Variants in KAT14 observed in about 807,000 individuals in gnomAD.
KAT14 encodes lysine acetyltransferase 14.
Under a neutral mutation model 78.4 loss-of-function variants are expected in KAT14, and 66 were observed. The observed-to-expected ratio is 0.84, with a 90% CI of 0.69 to 1.03. The LOEUF (loss-of-function observed/expected upper bound fraction) is 1.03, where lower values mean the gene tolerates loss of function less well. Among genes scored for constraint, KAT14 ranks in the 50% least tolerant of loss-of-function variants. The probability of loss-of-function intolerance (pLI) is 0.00; values close to 1 mark genes in which losing one functional copy is unlikely to be tolerated. For missense variants in KAT14, 870 were observed against 972.5 expected (o/e 0.89, Z 1.40); for synonymous variants, 344 against 359.4 (o/e 0.96, Z 0.48).
rs750335978 is a variant in KAT14, at chr20:18,181,737, C to T, written c.1696C>T (p.Arg566Ter). The change falls in exon 8 of 11, where the codon CGA (arginine) becomes TGA (stop). Residue 566 changes from arginine to a stop codon, truncating the protein, a stop_gained. Transcript: ENST00000688188. LOFTEE classifies it high-confidence loss of function. ...TTCCTTGCCGTCCAGGAAGGGATTT[C>T]GACACCAGACCACCAAGTTTTTGTA... ...QTSLPSRKGF[R>*]HQTTKFLYRL... The T allele has an allele frequency of 2.0e-5, 33 of 1,614,014 alleles. No individual in the cohort carries two copies. The South Asian group carries it at 2.7e-4, about 13-fold the overall frequency.
chr20:18,164,914 G>T (rs1392062146), intron 7 of KAT14, among the ~76,000 whole-genome samples: 1 of 151,992 alleles, frequency 6.6e-6, no homozygotes, highest in East Asian at 1.9e-4. Flanking sequence ...GAGCCATTGC[G>T]CCTGGCCAAT....
At chr20:18,146,997 C>A (rs1441401594) in intron 3 of KAT14, among the ~76,000 whole-genome samples, 1 of 152,120 alleles carries the variant, frequency 6.6e-6, no homozygotes. Context: ...AGACAGCTGA[C>A]ATTCTATACT....
chr20:18,174,199 G>A (rs926223088), intron 7 of KAT14, among the ~76,000 whole-genome samples: 4 of 152,160 alleles, frequency 2.6e-5, no homozygotes, highest in African/African-American at 9.7e-5. Flanking sequence ...GACCACATTT[G>A]GTTTATCCAT....
chr20:18,187,432 C>A lies in KAT14; in HGVS notation c.2319C>A (p.His773Gln). 6.2e-7 allele frequency: 1 copy of A among 1,614,122 alleles called. No individual in the cohort carries two copies. The highest frequency in any genetic ancestry group is 8.5e-7 in the Non-Finnish European group (1 of 1,180,022). The change falls in exon 11 of 11, where the codon CAC becomes CAA. Residue 773 changes from histidine to glutamine, a missense_variant. Physicochemically the swap from His to Gln is conservative, Grantham distance 24 (BLOSUM62 0). Coordinates refer to ENST00000688188, the MANE Select transcript of KAT14 (RefSeq NM_001392073.1). ...YYPLESTECK[H>Q]AFFLRLRR The stretch of plus-strand genomic sequence containing the variant: ...CATTGGAGAGTACAGAGTGTAAACA[C>A]GCATTCTTTCTGAGGCTCCGGCGCT...
chr20:18,184,430 C>T (rs1211975141), intron 9 of KAT14, among the ~76,000 whole-genome samples, 172 bp from the exon 10 acceptor site: 2 of 151,154 alleles, frequency 1.3e-5, no homozygotes, highest in Non-Finnish European at 2.9e-5. Flanking sequence ...TTCTAAAATT[C>T]ACTCTTATTT....
At chr20:18,179,588 C>T (rs1175358710) in intron 7 of KAT14, among the ~76,000 whole-genome samples, 2 of 152,116 alleles carry the variant, frequency 1.3e-5, no homozygotes, top group African/African-American at 4.8e-5. Flanking sequence ...ATGACTGGAG[C>T]GGCTGGGGCA....
intron 7 of KAT14, among the ~76,000 whole-genome samples, chr20:18,179,221 C>T (rs1040789511): frequency 6.6e-6 from 1 of 152,212 alleles, no homozygotes; most frequent in African/African-American, 2.4e-5. Context: ...CCAACTTTTC[C>T]AGTTGCACAG....
chr20:18,184,607 G>T lies in KAT14; in HGVS notation c.1987G>T (p.Asp663Tyr). The change falls in exon 10 of 11, where the codon GAC becomes TAC. Residue 663 changes from aspartate (D) to tyrosine (Y), a missense_variant. By Grantham distance (160) the Asp-to-Tyr change is radical (BLOSUM62 -3). Transcript: ENST00000688188. The part of the protein sequence containing the change: ...MCQEFFWPGI[D>Y]LSECLQYPDF... ...CGATGGTTTCTTTTCTTTAGGCATT[G>T]ACCTGTCTGAGTGTCTGCAGTACCC... 6.2e-7 allele frequency: 1 copy of T among 1,603,518 alleles called. No individual in the cohort carries two copies. Among genetic ancestry groups the T allele is most frequent in the South Asian group, 1.1e-5 (1 of 88,878 alleles).
At chr20:18,171,135 G>A (rs1275219106) in intron 7 of KAT14, among the ~76,000 whole-genome samples, 1 of 152,142 alleles carries the variant, frequency 6.6e-6, no homozygotes, top group East Asian at 1.9e-4. Context: ...TGATTCATGG[G>A]AGGAATCAAA....
intron 7 of KAT14, among the ~76,000 whole-genome samples, chr20:18,173,653 C>G (rs1017433020): frequency 7.3e-6 from 1 of 136,644 alleles, no homozygotes; most frequent in Non-Finnish European, 1.6e-5. Flanking sequence ...TTTTCTTTTG[C>G]TTTTTAAACA....
At chr20:18,142,068 A>G in intron 1 of KAT14, 140 bp from the exon 2 acceptor site, 1 of 880,356 alleles carries the variant, frequency 1.1e-6, no homozygotes, top group Non-Finnish European at 1.6e-6. Context: ...ATTTGTACAG[A>G]AAATTAAAAT....
chr20:18,181,437 C>G (rs971134870), intron 7 of KAT14, among the ~76,000 whole-genome samples: 1 of 142,354 alleles, frequency 7.0e-6, no homozygotes, highest in African/African-American at 2.7e-5. Context: ...GGTGCAATCT[C>G]GGCTCACTGC....
intron 10 of KAT14, among the ~76,000 whole-genome samples, chr20:18,185,178 A>C (rs2039413977): frequency 6.6e-6 from 1 of 152,194 alleles, no homozygotes; most frequent in African/African-American, 2.4e-5. Context: ...ATTTTTTTAA[A>C]TATTTGTAAA....
chr20:18,185,629 G>T (rs542697304), intron 10 of KAT14, among the ~76,000 whole-genome samples: 11 of 152,194 alleles, frequency 7.2e-5, no homozygotes, highest in African/African-American at 1.7e-4. Context: ...CACCTTTGAA[G>T]AAAATACACC....
At chr20:18,140,406 T>A (rs935472653) in intron 1 of KAT14, among the ~76,000 whole-genome samples, 7 of 152,150 alleles carry the variant, frequency 4.6e-5, no homozygotes, top group Non-Finnish European at 8.8e-5. Flanking sequence ...GTAGGTATTA[T>A]ATTAGGTGAG....
At chr20:18,153,423 A>G (rs575031113) in intron 4 of KAT14, among the ~76,000 whole-genome samples, 2 of 152,356 alleles carry the variant, frequency 1.3e-5, no homozygotes, top group Admixed American at 6.5e-5. Flanking sequence ...TATGGACCTT[A>G]ATGTACCCCA....
In KAT14 at chr20:18,181,014, A is replaced by C. The variant is rs191313814; in HGVS notation, c.1669-696A>C. ...ACAGAGCAATCATATAATATGACTC[A>C]TGTGTGTGTTACCTACTTGATACTA... On this transcript the variant is annotated intron_variant, in intron 7 of 10. Transcript: ENST00000688188. Among the ~76,000 whole-genome samples, 93 of 150,952 alleles carry C rather than the reference A, an allele frequency of 6.2e-4. 1 individual carries two copies. The highest frequency in any genetic ancestry group is 3.4e-3 in the Middle Eastern group (1 of 294).
intron 3 of KAT14, among the ~76,000 whole-genome samples, chr20:18,148,449 A>G (rs1424770400): frequency 1.3e-5 from 2 of 151,952 alleles, no homozygotes; most frequent in Non-Finnish European, 2.9e-5. Context: ...ACTATGATCG[A>G]TCTTTGCTTG....
chr20:18,167,344 G>A (rs1373530145), intron 7 of KAT14, among the ~76,000 whole-genome samples: 2 of 152,292 alleles, frequency 1.3e-5, no homozygotes, highest in Non-Finnish European at 1.5e-5. Context: ...ACCAGTTACT[G>A]TTCTAATTAA....
Sources: gnomAD v4.1 joint callset for allele counts (sites outside exome capture counted in the v4.1 genomes callset) on GRCh38, gnomAD v4.1.1 for gene constraint, MANE v1.5 for transcripts, NCBI Gene and HGNC (gene_info 2026-07-23, HGNC 2026-07-21) for gene names.